The following SLF1 variants were observed in gnomAD, a reference collection of about 807,000 sequenced individuals.
SLF1 encodes SMC5/6 complex localization factor 1, also known as SMC5-SMC6 complex localization factor protein 1.
Under a neutral mutation model 123.0 loss-of-function variants are expected in SLF1, and 105 were observed. The observed-to-expected ratio is 0.85, with a 90% CI of 0.73 to 1.00. SLF1 has a LOEUF of 1.00. Ranked by LOEUF, SLF1 falls within the 50% of genes least tolerant of loss-of-function variation. The pLI is 0.00. For synonymous variants in SLF1, 434 were observed against 406.6 expected (o/e 1.07, Z -0.81); for missense variants, 1,239 against 1,223.0 (o/e 1.01, Z -0.20).
At chr5:94,643,921 A>G (rs1212316109) in intron 5 of SLF1, among the ~76,000 whole-genome samples, 5 of 152,094 alleles carry the variant, frequency 3.3e-5, no homozygotes, top group African/African-American at 1.2e-4. Context: ...GGAGAAGAGA[A>G]CCCTTAGTAT....
At chr5:94,630,373 A>C in intron 3 of SLF1, 130 bp from the exon 4 acceptor site, 4 of 1,118,278 alleles carry the variant, frequency 3.6e-6, no homozygotes, top group Non-Finnish European at 4.9e-6. Context: ...TGCATAGTTC[A>C]AAGATAATGT....
At chr5:94,667,999 C>A (rs749438625) in intron 12 of SLF1, among the ~76,000 whole-genome samples, 12 of 152,148 alleles carry the variant, frequency 7.9e-5, no homozygotes, top group Non-Finnish European at 1.5e-4. Flanking sequence ...CTGCCCGCCT[C>A]AGCCTCCCAA....
Position 94,643,391 on chromosome 5 carries a change from G to A in SLF1, c.550G>A (p.Ala184Thr), listed in dbSNP as rs1191759405. ...KAEKEKDNFK[A>T]PFYPIQYLGD... ...TGAGAAAGAAAAAGATAACTTTAAG[G>A]CTCCATTTTATCCAATTCAGTATCT... The change falls in exon 5 of 21, where the codon GCT becomes ACT. Residue 184 changes from alanine (A) to threonine (T), a missense_variant. Physicochemically the swap from Ala to Thr is moderately conservative, Grantham distance 58. Coordinates refer to ENST00000265140, the MANE Select transcript of SLF1 (RefSeq NM_032290.4). The A allele has an allele frequency of 4.6e-6, 7 of 1,534,682 alleles. No homozygotes were observed. The highest frequency in any genetic ancestry group is 1.4e-5 in the African/African-American group (1 of 72,332).
intron 4 of SLF1, among the ~76,000 whole-genome samples, chr5:94,635,770 TA>T (rs1745701160): frequency 6.6e-6 from 1 of 152,232 alleles, no homozygotes; most frequent in South Asian, 2.1e-4. Context: ...CTGACAATTG[TA>T]GCTATGGTTC....
chr5:94,674,700 A>G (rs750241836), intron 14 of SLF1, among the ~76,000 whole-genome samples: 21 of 152,168 alleles, frequency 1.4e-4, no homozygotes, highest in South Asian at 4.1e-4. Context: ...CATAATGTCA[A>G]TCAGCAAGTA....
chr5:94,661,595 T>C (rs2152485281), intron 9 of SLF1, among the ~76,000 whole-genome samples: 2 of 151,622 alleles, frequency 1.3e-5, no homozygotes. Flanking sequence ...AGTGCAGTGG[T>C]GCAATCTCAG....
intron 11 of SLF1, among the ~76,000 whole-genome samples, chr5:94,664,532 A>T (rs1749524043): frequency 6.6e-6 from 1 of 152,190 alleles, no homozygotes; most frequent in Non-Finnish European, 1.5e-5. Flanking sequence ...AACTGTGTAA[A>T]CCAATAGGAA....
rs746514172 is a variant in SLF1, at chr5:94,689,464, T to C, written c.2286-9T>C. On this transcript the variant is annotated splice_polypyrimidine_tract_variant and intron_variant, in intron 17 of 20. Coordinates refer to ENST00000265140, the MANE Select transcript of SLF1 (RefSeq NM_032290.4). Reference sequence around the variant, plus strand: ...ACAAGCTTTCATTATTTCTTACTTTTCCTTTCAGAGACCTGAACCTTGCTA... The same window carrying C: ...ACAAGCTTTCATTATTTCTTACTTTCCCTTTCAGAGACCTGAACCTTGCTA... The C allele has an allele frequency of 1.2e-5, 19 of 1,601,796 alleles. No individual in the cohort carries two copies. In the Middle Eastern group the frequency reaches 1.7e-3, roughly 141 times the overall value.
At chr5:94,665,090 A>G (rs533439087) in intron 11 of SLF1, among the ~76,000 whole-genome samples, 5 of 152,326 alleles carry the variant, frequency 3.3e-5, no homozygotes, top group Non-Finnish European at 7.3e-5. Context: ...TCCTCTTTGA[A>G]CTACATAATC....
At chr5:94,673,770 A>T (rs1358973004) in intron 14 of SLF1, among the ~76,000 whole-genome samples, 1 of 151,482 alleles carries the variant, frequency 6.6e-6, no homozygotes, top group East Asian at 1.9e-4. Context: ...CTGGTTTTTT[A>T]AAAAATACTG....
intron 4 of SLF1, among the ~76,000 whole-genome samples, chr5:94,640,820 C>T (rs79887207): frequency 0.049 from 7,512 of 152,232 alleles, 292 homozygotes; most frequent in Non-Finnish European, 0.073. Context: ...TTGAACTCTC[C>T]AGTGAATTCC....
intron 19 of SLF1, 52 bp downstream of exon 19, chr5:94,691,708 T>A: frequency 2.2e-6 from 3 of 1,336,320 alleles, no homozygotes; most frequent in Non-Finnish European, 3.1e-6. Context: ...TTTGTGATAT[T>A]AAACAGTTTT....
chr5:94,619,097 C>G (rs997913127), intron 1 of SLF1, among the ~76,000 whole-genome samples: 11 of 152,074 alleles, frequency 7.2e-5, no homozygotes, highest in African/African-American at 2.7e-4. Flanking sequence ...CTCTGCCGCT[C>G]GGCCCGCCGC....
chr5:94,666,297 T>G (rs959439655), intron 12 of SLF1, among the ~76,000 whole-genome samples: 10 of 152,176 alleles, frequency 6.6e-5, no homozygotes, highest in Non-Finnish European at 1.2e-4. Flanking sequence ...AAATAGAAAT[T>G]TGTGTATTGT....
intron 1 of SLF1, among the ~76,000 whole-genome samples, chr5:94,624,071 C>T (rs1008770373): frequency 6.6e-6 from 1 of 152,134 alleles, no homozygotes; most frequent in Non-Finnish European, 1.5e-5. Context: ...TGGGCCGTCA[C>T]TGGGATTCCT....
At chr5:94,691,989 CT>C in intron 19 of SLF1, 84 bp from the exon 20 acceptor site, 1 of 1,337,786 alleles carries the variant, frequency 7.5e-7, no homozygotes, top group South Asian at 1.5e-5. Context: ...GAAAGTCACA[CT>C]GATGAGAAAA....
chr5:94,637,186 G>A (rs539545260), intron 4 of SLF1, among the ~76,000 whole-genome samples: 10 of 152,256 alleles, frequency 6.6e-5, no homozygotes, highest in African/African-American at 2.2e-4. Context: ...AGACAGCCAC[G>A]TCTTCCAGGT....
At chr5:94,626,147 G>A (rs868765646) in intron 1 of SLF1, among the ~76,000 whole-genome samples, 1 of 151,868 alleles carries the variant, frequency 6.6e-6, no homozygotes, top group Middle Eastern at 3.4e-3. Flanking sequence ...CAGCTACTCA[G>A]GAGGCTGAGG....
intron 15 of SLF1, among the ~76,000 whole-genome samples, chr5:94,682,440 A>C (rs187797868): frequency 6.6e-6 from 1 of 152,278 alleles, no homozygotes; most frequent in Non-Finnish European, 1.5e-5. Flanking sequence ...ATTAGTAAAG[A>C]TGTTCTAATT....
Sources: gnomAD v4.1 joint callset for allele counts (sites outside exome capture counted in the v4.1 genomes callset) on GRCh38, gnomAD v4.1.1 for gene constraint, MANE v1.5 for transcripts, NCBI Gene and HGNC (gene_info 2026-07-23, HGNC 2026-07-21) for gene names.